FAH: variants seen among roughly 807,000 people sequenced by gnomAD.
The protein encoded by FAH is fumarylacetoacetate hydrolase, also known as fumarylacetoacetase.
FAH carries 47 observed loss-of-function variants against 55.8 expected under a neutral mutation model. The observed-to-expected ratio is 0.84, with a 90% CI of 0.67 to 1.07. FAH has a LOEUF of 1.07. Ranked by LOEUF, FAH falls within the 50% of genes least tolerant of loss-of-function variation. FAH has a pLI of 0.00. For missense variants in FAH, 495 were observed against 545.9 expected, an observed-to-expected ratio of 0.91 and a Z score of 0.93; for synonymous variants, 199 against 207.7, an observed-to-expected ratio of 0.96 and a Z score of 0.36.
At chr15:80,173,521 C>T (rs2041258709) in intron 9 of FAH, 1 of 369,880 alleles carries the variant, frequency 2.7e-6, no homozygotes, top group East Asian at 6.9e-5. Context: ...TGGACCCCAA[C>T]TCATAGAATG....
At chr15:80,168,823 C>T (rs1220150649) in intron 7 of FAH, among the ~76,000 whole-genome samples, 2 of 152,168 alleles carry the variant, frequency 1.3e-5, no homozygotes, top group African/African-American at 2.4e-5. Context: ...AAGACTGTGA[C>T]GTGCCTTATG....
At chr15:80,164,041 T>A (rs2041171404) in intron 5 of FAH, among the ~76,000 whole-genome samples, 1 of 152,210 alleles carries the variant, frequency 6.6e-6, no homozygotes, top group African/African-American at 2.4e-5. Context: ...GCACAAAAAA[T>A]ATATATGTAC....
At chr15:80,154,681 G>C (rs1485817847) in intron 1 of FAH, among the ~76,000 whole-genome samples, 1 of 152,200 alleles carries the variant, frequency 6.6e-6, no homozygotes, top group African/African-American at 2.4e-5. Context: ...AATTTGAGTG[G>C]AATAACAATG....
In FAH at chr15:80,159,839, C is replaced by T; in HGVS notation, c.276C>T (p.Ser92=). The change falls in exon 3 of 14, where the codon AGC becomes AGT. Residue 92 remains serine (S), a synonymous_variant. Transcript: ENST00000561421. ...RVFLQNLLSV[S]QARLRDDTEL... Reference sequence around the variant, plus strand: ...TCTTGCAGAACTTGCTGTCTGTGAGCCAAGCCAGGCTCAGAGATGACACCG... The same window carrying T: ...TCTTGCAGAACTTGCTGTCTGTGAGTCAAGCCAGGCTCAGAGATGACACCG... 1 of 1,614,230 alleles carries T rather than the reference C, an allele frequency of 6.2e-7. No homozygotes were observed. Among genetic ancestry groups the T allele is most frequent in the South Asian group, 1.1e-5 (1 of 91,086 alleles).
At chr15:80,161,488 G>T (rs2041148432) in intron 4 of FAH, among the ~76,000 whole-genome samples, 1 of 151,818 alleles carries the variant, frequency 6.6e-6, no homozygotes, top group Admixed American at 6.6e-5. Context: ...CATTTAGGAA[G>T]ATAAAACAGG....
intron 1 of FAH, chr15:80,157,679 T>C (rs1375631554): frequency 2.9e-6 from 1 of 341,120 alleles, no homozygotes; most frequent in African/African-American, 2.1e-5. Context: ...CCTAGAAACC[T>C]GGAAAATAAT....
intron 10 of FAH, among the ~76,000 whole-genome samples, chr15:80,175,934 CT>C (rs2041280112): frequency 6.6e-6 from 1 of 152,326 alleles, no homozygotes; most frequent in Non-Finnish European, 1.5e-5. Flanking sequence ...GAGGGTTTGC[CT>C]GGTGGCCACA....
intron 8 of FAH, 72 bp downstream of exon 8, chr15:80,172,320 G>A: frequency 8.6e-7 from 1 of 1,161,120 alleles, no homozygotes; most frequent in Non-Finnish European, 1.3e-6. Context: ...TTTCATAGAA[G>A]CTGAAGATCT....
At chr15:80,160,260 G>T in intron 3 of FAH, 150 bp from the exon 4 acceptor site, 1 of 798,604 alleles carries the variant, frequency 1.3e-6, no homozygotes, top group South Asian at 1.4e-5. Flanking sequence ...TCTCAGCTGT[G>T]AAAGGTTCAG....
At chr15:80,153,169 G>A (rs2041066842) in intron 1 of FAH, 34 bp downstream of exon 1, 2 of 1,441,560 alleles carry the variant, frequency 1.4e-6, no homozygotes, top group Non-Finnish European at 1.9e-6. Flanking sequence ...CGGGCGCGGG[G>A]AGGGAGTGGA....
intron 7 of FAH, among the ~76,000 whole-genome samples, chr15:80,170,007 C>T (rs986192986): frequency 2.6e-5 from 4 of 152,202 alleles, no homozygotes; most frequent in Admixed American, 1.3e-4. Context: ...TTGATACAGT[C>T]GGTCCCACCA....
chr15:80,154,831 A>G (rs1239101102), intron 1 of FAH, among the ~76,000 whole-genome samples: 4 of 152,164 alleles, frequency 2.6e-5, no homozygotes, highest in Admixed American at 2.0e-4. Context: ...TTGATGGACT[A>G]GTAAGGTGTA....
rs1244015529 is a variant in FAH, at chr15:80,162,237, C to A, written c.365-9C>A. The A allele has an allele frequency of 1.9e-6, 3 of 1,612,066 alleles. No homozygotes were observed. The highest frequency in any genetic ancestry group is 2.5e-6 in the Non-Finnish European group (3 of 1,178,162). On this transcript the variant is annotated splice_polypyrimidine_tract_variant and intron_variant, in intron 4 of 13. Transcript: ENST00000561421. ...TGCTGATGGGATCTGTTGGGTCTTT[C>A]CTCTGCAGGAGACTACACAGACTTC...
chr15:80,178,234 A>G (rs1466080874), intron 11 of FAH, among the ~76,000 whole-genome samples: 1 of 152,116 alleles, frequency 6.6e-6, no homozygotes, highest in Non-Finnish European at 1.5e-5. Flanking sequence ...CATATTATAC[A>G]TGTACAGCTT....
At chr15:80,155,994 CCA>C (rs2041095717) in intron 1 of FAH, 1 of 465,426 alleles carries the variant, frequency 2.1e-6, no homozygotes, top group East Asian at 5.8e-5. Flanking sequence ...AAGCACAGCA[CCA>C]CAGGGAGGGG....
In FAH at chr15:80,175,072, CCT is replaced by C. The variant is rs1331689575; in HGVS notation, c.899_900del (p.Ser300CysfsTer2). On this transcript the variant is annotated frameshift_variant, in exon 10 of 14. Transcript: ENST00000561421. LOFTEE classifies it high-confidence loss of function. ...ACGAGCCCTACACATTTGACATCAA[CCT>C]CTCTGTTAACCTGAAAGGTATGTTG... ...HDEPYTFDINLSVNLKGEGMS... is the reference protein window; with the variant it reads ...HDEPYTFDINXSVNLKGEGMS... The C allele has an allele frequency of 6.2e-7, 1 of 1,614,162 alleles. No individual in the cohort carries two copies. Among genetic ancestry groups the C allele is most frequent in the Non-Finnish European group, 8.5e-7 (1 of 1,179,994 alleles).
chr15:80,153,154 G>T lies in FAH; in HGVS notation c.81+19G>T. ...AGGCGACGTGAGCAGTGGGGCTTTG[G>T]CGTCCGGGCGCGGGGAGGGAGTGGA... On this transcript the variant is annotated intron_variant, in intron 1 of 13. Coordinates refer to ENST00000561421, the MANE Select transcript of FAH (RefSeq NM_000137.4). 3.8e-6 allele frequency: 6 copies of T among 1,573,482 alleles called. No homozygotes were observed. Among genetic ancestry groups the T allele is most frequent in the African/African-American group, 1.5e-5 (1 of 64,628 alleles).
At chr15:80,163,657 A>T (rs578163705) in intron 5 of FAH, 23 of 152,362 alleles carry the variant, frequency 1.5e-4, no homozygotes, top group Admixed American at 9.8e-4. Context: ...AGTCTTTATT[A>T]TAAAGGTAAC....
intron 10 of FAH, 64 bp downstream of exon 10, chr15:80,175,155 C>T (rs1376963558): frequency 4.9e-6 from 7 of 1,429,660 alleles, no homozygotes; most frequent in Non-Finnish European, 6.9e-6. Flanking sequence ...TGTGCCTTGT[C>T]CTGAAGGCTC....
Sources: gnomAD v4.1 joint callset for allele counts (sites outside exome capture counted in the v4.1 genomes callset) on GRCh38, gnomAD v4.1.1 for gene constraint, MANE v1.5 for transcripts, NCBI Gene and HGNC (gene_info 2026-07-23, HGNC 2026-07-21) for gene names.